The following MACROD2 variants were observed in gnomAD, a reference collection of about 807,000 sequenced individuals.
The protein encoded by MACROD2 is mono-ADP ribosylhydrolase 2, also known as ADP-ribose glycohydrolase MACROD2.
A neutral mutation model predicts 70.4 loss-of-function variants in MACROD2; 36 were observed. That is an observed-to-expected ratio of 0.51 (90% confidence interval 0.39 to 0.68). The LOEUF is 0.68. Among genes scored for constraint, MACROD2 ranks in the 30% least tolerant of loss-of-function variants. The pLI, the probability that MACROD2 is intolerant of heterozygous loss-of-function variation, is 0.00. For missense variants in MACROD2, 496 were observed against 538.4 expected (o/e 0.92, Z 0.78); for synonymous variants, 172 against 178.8 (o/e 0.96, Z 0.30).
chr20:14,659,810 T>G (rs1986142119), intron 4 of MACROD2, among the ~76,000 whole-genome samples: 1 of 152,208 alleles, frequency 6.6e-6, no homozygotes. Flanking sequence ...AAATATATGC[T>G]TTCACAATTT....
chr20:15,662,622 A>G (rs546910964), intron 8 of MACROD2, among the ~76,000 whole-genome samples: 1 of 152,178 alleles, frequency 6.6e-6, no homozygotes, highest in East Asian at 1.9e-4. Flanking sequence ...AGGACAAGAT[A>G]TGCCTTTGTT....
chr20:14,532,657 G>T (rs1472255588), intron 4 of MACROD2, among the ~76,000 whole-genome samples: 2 of 152,078 alleles, frequency 1.3e-5, no homozygotes, highest in Non-Finnish European at 2.9e-5. Flanking sequence ...CCCCCTCTTG[G>T]TTAAGAGAGT....
At chr20:14,086,988 G>A (rs1320749851) in intron 3 of MACROD2, among the ~76,000 whole-genome samples, 1 of 152,198 alleles carries the variant, frequency 6.6e-6, no homozygotes, top group Admixed American at 6.5e-5. Flanking sequence ...GCATTGGCAG[G>A]TGAACAGAAG....
intron 2 of MACROD2, among the ~76,000 whole-genome samples, chr20:14,039,804 T>A (rs2053366083): frequency 7.3e-6 from 1 of 136,660 alleles, no homozygotes; most frequent in Non-Finnish European, 1.6e-5. Flanking sequence ...ATTTGCCATC[T>A]GTTTTTTTTT....
intron 2 of MACROD2, among the ~76,000 whole-genome samples, chr20:14,002,629 A>C (rs1381821148): frequency 1.3e-5 from 2 of 152,180 alleles, no homozygotes; most frequent in African/African-American, 4.8e-5. Context: ...ATAATATGGT[A>C]CTTTTTTTAC....
At chr20:15,817,705 C>T (rs1484079355) in intron 8 of MACROD2, among the ~76,000 whole-genome samples, 1 of 152,156 alleles carries the variant, frequency 6.6e-6, no homozygotes, top group Non-Finnish European at 1.5e-5. Context: ...ATCACCACCA[C>T]ACCCTTCTAA....
rs1982500301 is a variant in MACROD2, at chr20:14,601,546, T to G, written c.302-83297T>G. Among the ~76,000 whole-genome samples, 3 of 152,024 alleles carry G rather than the reference T, an allele frequency of 2.0e-5. 1 individual carries two copies. In the South Asian group the frequency reaches 6.2e-4, roughly 32 times the overall value. ...CCAAAACAGTATTTTTTTTTTAATA[T>G]CAGAAGGGAAAAAACAAACTTTCAG... is the stretch of plus-strand genomic sequence containing the variant. On this transcript the variant is annotated intron_variant, in intron 4 of 17. Coordinates refer to ENST00000684519, the MANE Select transcript of MACROD2 (RefSeq NM_001351661.2).
At chr20:14,410,734 G>C (rs1004128282) in intron 3 of MACROD2, among the ~76,000 whole-genome samples, 7 of 152,150 alleles carry the variant, frequency 4.6e-5, no homozygotes, top group African/African-American at 1.7e-4. Context: ...TTGAGCTCCA[G>C]TTGTTGATAA....
At chr20:14,079,307 A>G (rs1322675917) in intron 2 of MACROD2, among the ~76,000 whole-genome samples, 1 of 152,228 alleles carries the variant, frequency 6.6e-6, no homozygotes, top group African/African-American at 2.4e-5. Context: ...TGGAATGAGT[A>G]TGGATTTCTG....
At chr20:15,092,989 A>G (rs2075803199) in intron 5 of MACROD2, among the ~76,000 whole-genome samples, 1 of 152,196 alleles carries the variant, frequency 6.6e-6, no homozygotes, top group Non-Finnish European at 1.5e-5. Flanking sequence ...GTTTTATTCT[A>G]CAAAGTAAAT....
intron 6 of MACROD2, among the ~76,000 whole-genome samples, chr20:15,257,520 A>C (rs2077209970): frequency 6.6e-6 from 1 of 152,090 alleles, no homozygotes; most frequent in Non-Finnish European, 1.5e-5. Flanking sequence ...TATGGTAAGC[A>C]ATAGAAGTGC....
At chr20:15,573,755 C>G (rs1447973563) in intron 8 of MACROD2, among the ~76,000 whole-genome samples, 1 of 152,106 alleles carries the variant, frequency 6.6e-6, no homozygotes. Context: ...TGATACTCTC[C>G]CCACCACACA....
At chr20:15,002,023 A>T (rs887878725) in intron 5 of MACROD2, among the ~76,000 whole-genome samples, 1 of 152,128 alleles carries the variant, frequency 6.6e-6, no homozygotes, top group African/African-American at 2.4e-5. Context: ...ATTGATTGGC[A>T]TTCGGGCTGG....
At position 15,042,733 on chromosome 20, in the gene MACROD2, G is replaced by C. The variant is rs11904913; in HGVS notation, c.419-187207G>C. On this transcript the variant is annotated intron_variant, in intron 5 of 17. Transcript: ENST00000684519. ...GTGCCATAGTTTGCATAGAACAGAA[G>C]CAGGAAATCTTAATGATGAACTCTA... is the stretch of plus-strand genomic sequence containing the variant. 4.2e-3 allele frequency among the ~76,000 whole-genome samples: 635 copies of C among 152,278 alleles called. 5 individuals are homozygous for C. The highest frequency in any genetic ancestry group is 0.015 in the African/African-American group (615 of 41,552).
At chr20:15,515,853 CT>C (rs1383673733) in intron 8 of MACROD2, among the ~76,000 whole-genome samples, 1 of 152,194 alleles carries the variant, frequency 6.6e-6, no homozygotes, top group Non-Finnish European at 1.5e-5. Flanking sequence ...GGAGAAAATT[CT>C]ACCCTGCTCT....
At chr20:15,560,782 A>AAAAAAAAAAAAAAAAAAAAAAAAAAAAAT (rs1183553177) in intron 8 of MACROD2, among the ~76,000 whole-genome samples, 1 of 150,614 alleles carries the variant, frequency 6.6e-6, no homozygotes, top group Non-Finnish European at 1.5e-5. Flanking sequence ...AAAAAAAAAA[A>AAAAAAAAAAAAAAAAAAAAAAAAAAAAAT]AAAAAAAAAG....
rs183012190 is a variant in MACROD2 at position 14,677,832 on chromosome 20, A to G, written c.302-7011A>G. Among the ~76,000 whole-genome samples the G allele has an allele frequency of 4.4e-4, 67 of 152,322 alleles. 1 individual carries two copies. The highest frequency in any genetic ancestry group is 7.5e-4 in the Non-Finnish European group (51 of 68,026). On this transcript the variant is annotated intron_variant, in intron 4 of 17. Coordinates refer to ENST00000684519, the MANE Select transcript of MACROD2 (RefSeq NM_001351661.2). The stretch of plus-strand genomic sequence containing the variant: ...GAGTCTTCAGACTCCAGCATGATTA[A>G]GGACTCTGAGACATACCTAGGGCAA...
intron 5 of MACROD2, among the ~76,000 whole-genome samples, chr20:14,797,912 A>G (rs1046649433): frequency 3.9e-5 from 6 of 152,104 alleles, no homozygotes; most frequent in African/African-American, 1.4e-4. Context: ...CTGCGGAGAA[A>G]CATAAGGCTG....
chr20:14,731,653 G>T (rs1389125865), intron 5 of MACROD2, among the ~76,000 whole-genome samples: 1 of 152,044 alleles, frequency 6.6e-6, no homozygotes, highest in Non-Finnish European at 1.5e-5. Context: ...GGGGACCTCT[G>T]GAGGTCCCCC....
Sources: gnomAD v4.1 joint callset for allele counts (sites outside exome capture counted in the v4.1 genomes callset) on GRCh38, gnomAD v4.1.1 for gene constraint, MANE v1.5 for transcripts, NCBI Gene and HGNC (gene_info 2026-07-23, HGNC 2026-07-21) for gene names.